SATB1: variants seen among roughly 807,000 people sequenced by gnomAD.
SATB1 encodes the protein DNA-binding protein SATB1.
In SATB1, 11 loss-of-function variants were observed where a neutral mutation model predicts 86.9. That is an observed-to-expected ratio of 0.13 (90% CI 0.08 to 0.21). The LOEUF (loss-of-function observed/expected upper bound fraction) is 0.21, where lower values mean the gene tolerates loss of function less well. SATB1 is among the 10% of genes least tolerant of loss of function. The pLI is 1.00. For missense variants in SATB1, 551 were observed against 937.6 expected (o/e 0.59, Z 5.39); for synonymous variants, 357 against 357.2 (o/e 1.00, Z 0.01).
chr3:18,364,707 A>ATATG (rs988052681), intron 9 of SATB1, among the ~76,000 whole-genome samples: 2 of 152,092 alleles, frequency 1.3e-5, no homozygotes, highest in African/African-American at 4.8e-5. Flanking sequence ...TATCAAATAT[A>ATATG]TATGTATGTA....
intron 7 of SATB1, among the ~76,000 whole-genome samples, chr3:18,390,934 A>C (rs755425691): frequency 8.5e-5 from 13 of 152,208 alleles, no homozygotes; most frequent in Non-Finnish European, 1.2e-4. Flanking sequence ...TTTGGCAATT[A>C]CTTTTAGCCA....
chr3:18,411,151 T>G (rs1169537825), intron 5 of SATB1: 4 of 351,460 alleles, frequency 1.1e-5, no homozygotes, highest in Non-Finnish European at 1.5e-5. Context: ...TACTTGAAAA[T>G]AAAAATAACA....
intron 9 of SATB1, among the ~76,000 whole-genome samples, chr3:18,369,315 C>T (rs1018928729): frequency 6.6e-6 from 1 of 151,736 alleles, no homozygotes; most frequent in African/African-American, 2.4e-5. Flanking sequence ...CTACCCACCC[C>T]CCTCCACAAA....
chr3:18,394,389 C>T lies in SATB1; in HGVS notation c.1206+73G>A, dbSNP rs1483263512. 2 of 1,252,280 alleles carry T rather than the reference C, an allele frequency of 1.6e-6. No individual in the cohort carries two copies. The highest frequency in any genetic ancestry group is 1.3e-5 in the South Asian group (1 of 78,296). The allele number at this position is 1,252,280 out of a possible 1,614,324, so 77.6% of individuals were successfully genotyped here. On this transcript the variant is annotated intron_variant, in intron 7 of 10. Coordinates refer to ENST00000338745, the MANE Select transcript of SATB1 (RefSeq NM_002971.6). The surrounding 1 kb of genome is among the most constrained non-coding windows in gnomAD (Gnocchi z 5.9). ...GTTAGTACAGAAGTAAAAGAATAAA[C>T]TTTAGTTATAGATGGGACTAAAGAA...
At chr3:18,395,358 T>G (rs1696913314) in intron 6 of SATB1, among the ~76,000 whole-genome samples, 1 of 152,132 alleles carries the variant, frequency 6.6e-6, no homozygotes, top group South Asian at 2.1e-4. Context: ...TACAAATATA[T>G]TCTCATGATA....
At chr3:18,441,400 T>C (rs1319242319), upstream of SATB1, among the ~76,000 whole-genome samples, 1 of 152,156 alleles carries the variant, frequency 6.6e-6, no homozygotes, top group Non-Finnish European at 1.5e-5. Context: ...TGATAATCAA[T>C]ATATTGAAAA....
intron 5 of SATB1, among the ~76,000 whole-genome samples, chr3:18,414,221 C>A (rs574997578): frequency 6.6e-6 from 1 of 151,976 alleles, no homozygotes; most frequent in East Asian, 1.9e-4. Context: ...GGCCTTAAAA[C>A]GGGTTTGGGT....
At chr3:18,374,468 T>G (rs9829223) in intron 9 of SATB1, among the ~76,000 whole-genome samples, 1,837 of 152,182 alleles carry the variant, frequency 0.012, 34 homozygotes, top group African/African-American at 0.042. Context: ...CTGCTGCTTA[T>G]TTGAATACCC....
chr3:18,403,746 C>G (rs1697384397), intron 5 of SATB1, among the ~76,000 whole-genome samples: 1 of 151,998 alleles, frequency 6.6e-6, no homozygotes, highest in Non-Finnish European at 1.5e-5. Context: ...TGACAGTAAC[C>G]TTTTTATGTA....
chr3:18,408,645 T>C (rs1256431188), intron 5 of SATB1: 1 of 151,250 alleles, frequency 6.6e-6, no homozygotes, highest in Non-Finnish European at 1.5e-5. Context: ...GAGGGGGAAA[T>C]TGAGTTCGTG....
upstream of SATB1, among the ~76,000 whole-genome samples, chr3:18,441,731 C>A (rs1232072362): frequency 6.6e-6 from 1 of 152,092 alleles, no homozygotes; most frequent in Non-Finnish European, 1.5e-5. Flanking sequence ...GGAACAGGTG[C>A]CTGTCACCTG....
chr3:18,414,270 C>A (rs149792380), intron 5 of SATB1, among the ~76,000 whole-genome samples: 14 of 152,120 alleles, frequency 9.2e-5, no homozygotes, highest in Middle Eastern at 3.4e-3. Flanking sequence ...ATGGTGACCA[C>A]AAAAGCAGCC....
In SATB1 at chr3:18,377,330, G is replaced by GA. The variant is rs1695810212; in HGVS notation, c.1575+839dup. 3.9e-5 allele frequency among the ~76,000 whole-genome samples: 6 copies of GA among 152,216 alleles called. No individual in the cohort carries two copies. The South Asian group carries it at 1.2e-3, about 32-fold the overall frequency. On this transcript the variant is annotated intron_variant, in intron 9 of 10. Transcript: ENST00000338745. ...TCTAATGTCACCTTGATAGTGTTAT[G>GA]AAATTCTTTTTCAAGGGGGAAAAGA...
At chr3:18,391,852 T>C (rs141762213) in intron 7 of SATB1, among the ~76,000 whole-genome samples, 8 of 152,296 alleles carry the variant, frequency 5.3e-5, no homozygotes, top group Non-Finnish European at 8.8e-5. Flanking sequence ...TACCAATGCA[T>C]AATCATTAAA....
chr3:18,358,462 T>C (rs1182688958), intron 9 of SATB1, among the ~76,000 whole-genome samples: 3 of 152,038 alleles, frequency 2.0e-5, no homozygotes, highest in African/African-American at 7.2e-5. Context: ...CTTAATAACA[T>C]CTACTTTGTG....
At chr3:18,356,614 C>T (rs1465003514) in intron 9 of SATB1, among the ~76,000 whole-genome samples, 1 of 151,786 alleles carries the variant, frequency 6.6e-6, no homozygotes, top group Non-Finnish European at 1.5e-5. Flanking sequence ...CTGACAAAAT[C>T]TTGTTGTACC....
At chr3:18,362,217 C>G (rs796162878) in intron 9 of SATB1, among the ~76,000 whole-genome samples, 16 of 152,116 alleles carry the variant, frequency 1.1e-4, no homozygotes, top group African/African-American at 3.6e-4. Context: ...TTCTTTATTC[C>G]AGCCCACCCC....
At chr3:18,425,433 G>C (rs1026253753), upstream of SATB1, 30 of 152,100 alleles carry the variant, frequency 2.0e-4, no homozygotes, top group African/African-American at 7.1e-4. Context: ...GGGGGGGCAG[G>C]GTGCACGGAG....
intron 9 of SATB1, among the ~76,000 whole-genome samples, chr3:18,370,049 A>G (rs563870062): frequency 6.6e-6 from 1 of 152,336 alleles, no homozygotes; most frequent in South Asian, 2.1e-4. Flanking sequence ...ATTTTCCCTC[A>G]GTCTAATAAT....
Sources: gnomAD v4.1 joint callset for allele counts (sites outside exome capture counted in the v4.1 genomes callset) on GRCh38, gnomAD v4.1.1 for gene constraint, Gnocchi (gnomAD v3.1) non-coding constraint, MANE v1.5 for transcripts, NCBI Gene and HGNC (gene_info 2026-07-23, HGNC 2026-07-21) for gene names.